PRKG1: variants seen among roughly 807,000 people sequenced by gnomAD.
The protein encoded by PRKG1 is cGMP-dependent protein kinase 1.
PRKG1 carries 35 observed loss-of-function variants against 88.1 expected under a neutral mutation model. The observed-to-expected ratio is 0.40, with a 90% CI of 0.30 to 0.53. The LOEUF (loss-of-function observed/expected upper bound fraction) is 0.53. Among genes scored for constraint, PRKG1 ranks in the 20% least tolerant of loss-of-function variants. The pLI is 0.59. For synonymous variants in PRKG1, 303 were observed against 292.5 expected (o/e 1.04, Z -0.37); for missense variants, 540 against 839.8 (o/e 0.64, Z 4.41).
chr10:51,042,427 T>C (rs1420079133), intron 1 of PRKG1, among the ~76,000 whole-genome samples: 1 of 141,362 alleles, frequency 7.1e-6, no homozygotes. Context: ...TGGCCTCTTA[T>C]ACCTTCAAAT....
chr10:51,263,558 A>T (rs1839767253), intron 2 of PRKG1, among the ~76,000 whole-genome samples: 1 of 152,216 alleles, frequency 6.6e-6, no homozygotes, highest in Non-Finnish European at 1.5e-5. Context: ...TTATGGAAAC[A>T]CTGTAAACAA....
chr10:51,871,761 G>A (rs1426628680), intron 4 of PRKG1, among the ~76,000 whole-genome samples: 1 of 152,162 alleles, frequency 6.6e-6, no homozygotes, highest in Non-Finnish European at 1.5e-5. Context: ...CAGCATGTAG[G>A]TCCAACACCT....
At chr10:51,687,035 C>G (rs760011942) in intron 3 of PRKG1, among the ~76,000 whole-genome samples, 1 of 152,140 alleles carries the variant, frequency 6.6e-6, no homozygotes, top group African/African-American at 2.4e-5. Context: ...ACCCAGCCAT[C>G]TTTACAGCCT....
intron 2 of PRKG1, among the ~76,000 whole-genome samples, chr10:51,211,572 G>T (rs1269981192): frequency 6.6e-6 from 1 of 152,086 alleles, no homozygotes; most frequent in Non-Finnish European, 1.5e-5. Context: ...AAACCCCATC[G>T]TCTCAGCCTA....
chr10:51,143,928 T>C (rs2131959635), intron 1 of PRKG1, among the ~76,000 whole-genome samples: 1 of 152,222 alleles, frequency 6.6e-6, no homozygotes, highest in East Asian at 1.9e-4. Context: ...AGGTTGTGTC[T>C]TCATTCTTTT....
chr10:51,251,320 A>G (rs1839422291), intron 2 of PRKG1, among the ~76,000 whole-genome samples: 1 of 151,706 alleles, frequency 6.6e-6, no homozygotes, highest in Non-Finnish European at 1.5e-5. Flanking sequence ...CTCTTTCTCT[A>G]CAAGGTGTCA....
intron 2 of PRKG1, among the ~76,000 whole-genome samples, chr10:51,378,205 T>G (rs1047768509): frequency 5.9e-5 from 9 of 152,220 alleles, no homozygotes; most frequent in African/African-American, 2.2e-4. Context: ...GTGTGCTCTT[T>G]CTGAAAAGAC....
intron 3 of PRKG1, among the ~76,000 whole-genome samples, chr10:51,731,361 T>A (rs1382917570): frequency 6.6e-6 from 1 of 152,172 alleles, no homozygotes; most frequent in Non-Finnish European, 1.5e-5. Context: ...CGTTAATTCT[T>A]AAATTTAAAA....
chr10:51,599,111 A>G (rs1424776798), intron 3 of PRKG1, among the ~76,000 whole-genome samples: 1 of 152,182 alleles, frequency 6.6e-6, no homozygotes, highest in Non-Finnish European at 1.5e-5. Flanking sequence ...GTTTCTCCAC[A>G]TTTGTTGAAT....
chr10:51,939,889 A>G (rs1432690950), intron 5 of PRKG1, among the ~76,000 whole-genome samples: 1 of 151,958 alleles, frequency 6.6e-6, no homozygotes, highest in East Asian at 1.9e-4. Context: ...TCTCTTAGTT[A>G]TTCCTATAGG....
At position 52,161,887 on chromosome 10, in the gene PRKG1, A is replaced by C. The variant is rs1295603674; in HGVS notation, c.1002-2A>C. 1 of 1,612,200 alleles carries C rather than the reference A, an allele frequency of 6.2e-7. No homozygotes were observed. Among genetic ancestry groups the C allele is most frequent in the Non-Finnish European group, 8.5e-7 (1 of 1,179,148 alleles). On this transcript the variant is annotated splice_acceptor_variant, in intron 8 of 17. Coordinates refer to ENST00000373980, the MANE Select transcript of PRKG1 (RefSeq NM_006258.4). LOFTEE classifies it high-confidence loss of function. ...AATCACTGTGCTTTTTTCGTCTGAC[A>C]GCTCTTTTAAACATTTGATTGGAGG...
At chr10:51,629,027 A>G (rs1176263227) in intron 3 of PRKG1, among the ~76,000 whole-genome samples, 1 of 152,178 alleles carries the variant, frequency 6.6e-6, no homozygotes, top group Non-Finnish European at 1.5e-5. Flanking sequence ...TGAGCCACAG[A>G]ATCAATTTAG....
chr10:51,934,254 AC>A (rs58734959), intron 5 of PRKG1, among the ~76,000 whole-genome samples: 217 of 143,784 alleles, frequency 1.5e-3, no homozygotes, highest in Middle Eastern at 3.6e-3. Context: ...ACACACACAT[AC>A]CCCCCCCCCA....
At chr10:51,732,381 C>T (rs1837136251) in intron 3 of PRKG1, among the ~76,000 whole-genome samples, 1 of 152,150 alleles carries the variant, frequency 6.6e-6, no homozygotes. Flanking sequence ...TAACAGGTTC[C>T]ATCAGAACAT....
At chr10:51,362,472 A>C (rs1264557339) in intron 2 of PRKG1, among the ~76,000 whole-genome samples, 2 of 151,772 alleles carry the variant, frequency 1.3e-5, no homozygotes, top group Non-Finnish European at 2.9e-5. Flanking sequence ...ATGCCATAGT[A>C]TCCTTTAATA....
chr10:52,063,873 T>A (rs1846295024), intron 7 of PRKG1, among the ~76,000 whole-genome samples: 1 of 151,982 alleles, frequency 6.6e-6, no homozygotes, highest in African/African-American at 2.4e-5. Flanking sequence ...AGTGGGTAGC[T>A]CCTCTCTGCA....
intron 4 of PRKG1, among the ~76,000 whole-genome samples, chr10:51,839,519 T>A (rs1258268331): frequency 6.6e-6 from 1 of 152,194 alleles, no homozygotes; most frequent in Non-Finnish European, 1.5e-5. Flanking sequence ...GACTCACTGA[T>A]TTTGCATATG....
intron 5 of PRKG1, among the ~76,000 whole-genome samples, chr10:51,922,803 A>G (rs56207454): frequency 0.022 from 3,408 of 152,070 alleles, 125 homozygotes; most frequent in African/African-American, 0.078. Context: ...GAAATTTTTT[A>G]TGACACAGAG....
chr10:51,508,255 G>T (rs1841285494), intron 3 of PRKG1, among the ~76,000 whole-genome samples: 1 of 152,100 alleles, frequency 6.6e-6, no homozygotes, highest in South Asian at 2.1e-4. Context: ...CACAAGAAGT[G>T]CAATTGCCAC....
Sources: gnomAD v4.1 joint callset for allele counts (sites outside exome capture counted in the v4.1 genomes callset) on GRCh38, gnomAD v4.1.1 for gene constraint, MANE v1.5 for transcripts, NCBI Gene and HGNC (gene_info 2026-07-23, HGNC 2026-07-21) for gene names.